ZZEF1: variants seen among roughly 807,000 people sequenced by gnomAD.
ZZEF1 encodes zinc finger ZZ-type and EF-hand domain-containing protein 1.
Under a neutral mutation model 342.8 loss-of-function variants are expected in ZZEF1, and 157 were observed. The observed-to-expected ratio is 0.46, with a 90% CI of 0.40 to 0.52. ZZEF1 has a LOEUF of 0.52. Among genes scored for constraint, ZZEF1 ranks in the 20% least tolerant of loss-of-function variants. The pLI is 0.00. For missense variants in ZZEF1, 3,480 were observed against 3,725.6 expected (o/e 0.93, Z 1.72); for synonymous variants, 1,505 against 1,429.1 (o/e 1.05, Z -1.20).
At chr17:4,100,896 T>C (rs898003054) in intron 9 of ZZEF1, among the ~76,000 whole-genome samples, 5 of 151,878 alleles carry the variant, frequency 3.3e-5, no homozygotes, top group African/African-American at 1.2e-4. Context: ...GGAACAAAAA[T>C]TCCAAATCTT....
rs1160491091 is a variant in ZZEF1, at chr17:4,017,071, G to A, written c.8001+300C>T. The A allele has an allele frequency of 1.4e-5, 5 of 364,250 alleles. No individual in the cohort carries two copies. Among genetic ancestry groups the A allele is most frequent in the Non-Finnish European group, 2.6e-5 (5 of 194,870 alleles). The allele number at this position is 364,250 out of a possible 1,614,324, so 22.6% of individuals were successfully genotyped here. ...ACTGCGTGTGTGTGTGTGAAGGTGGGTGAGGGACAGGATCAAAAAGGAGCT... is the reference window on the plus strand; with the variant it reads ...ACTGCGTGTGTGTGTGTGAAGGTGGATGAGGGACAGGATCAAAAAGGAGCT... On this transcript the variant is annotated intron_variant, in intron 48 of 54. Transcript: ENST00000381638. The surrounding 1 kb of genome is among the most constrained non-coding windows in gnomAD (Gnocchi z 5.1).
intron 18 of ZZEF1, among the ~76,000 whole-genome samples, chr17:4,079,128 T>C (rs1170958735): frequency 3.3e-5 from 5 of 152,202 alleles, no homozygotes; most frequent in Non-Finnish European, 7.3e-5. Flanking sequence ...TCCACGTACA[T>C]CTTAAAATAA....
rs2056041690 is a variant in ZZEF1, at chr17:4,014,238, T to G, written c.8315-50A>C. On this transcript the variant is annotated intron_variant, in intron 50 of 54. Coordinates refer to ENST00000381638, the MANE Select transcript of ZZEF1 (RefSeq NM_015113.4). This position sits in a 1 kb window ranked among gnomAD's most constrained non-coding sequence, Gnocchi z 4.4. ...CATCAGGAACTGAAGCAACAGGGAATGGCAGCAGTGGTGTTGGGTTTCAAC... is the reference window on the plus strand; with the variant it reads ...CATCAGGAACTGAAGCAACAGGGAAGGGCAGCAGTGGTGTTGGGTTTCAAC... 6.2e-7 allele frequency: 1 copy of G among 1,611,162 alleles called. No homozygotes were observed. Among genetic ancestry groups the G allele is most frequent in the Admixed American group, 1.7e-5 (1 of 59,994 alleles).
chr17:4,090,638 G>C, intron 12 of ZZEF1, 81 bp downstream of exon 12: 1 of 1,148,292 alleles, frequency 8.7e-7, no homozygotes, highest in South Asian at 1.2e-5. Context: ...TGTAGCATTG[G>C]CACAGGGCTG....
chr17:4,128,458 G>GTTT (rs71144168), intron 1 of ZZEF1, among the ~76,000 whole-genome samples: 1 of 143,894 alleles, frequency 6.9e-6, no homozygotes. Context: ...TTCTAAAGTT[G>GTTT]TTTTTTTTTT....
intron 3 of ZZEF1, among the ~76,000 whole-genome samples, chr17:4,114,829 A>G (rs2145501785): frequency 6.6e-6 from 1 of 152,298 alleles, no homozygotes. Context: ...ATGGTAAATT[A>G]CGGTTTGAAT....
chr17:4,085,304 C>T (rs1597868709), intron 16 of ZZEF1, among the ~76,000 whole-genome samples: 1 of 152,002 alleles, frequency 6.6e-6, no homozygotes, highest in African/African-American at 2.4e-5. Context: ...GTGACAGGTA[C>T]ATTTGGGGGA....
chr17:4,088,564 G>A, intron 13 of ZZEF1, 114 bp downstream of exon 13: 1 of 1,098,734 alleles, frequency 9.1e-7, no homozygotes, highest in Middle Eastern at 3.0e-4. Flanking sequence ...GCAGTACAAT[G>A]CCCATCCTAT....
rs1031419113 is a variant in ZZEF1 at position 4,004,662 on chromosome 17, G to C, written c.*2228C>G. The C allele has an allele frequency of 6.6e-6, 1 of 152,498 alleles. No individual in the cohort carries two copies. The highest frequency in any genetic ancestry group is 1.5e-5 in the Non-Finnish European group (1 of 68,046). The allele number at this position is 152,498 out of a possible 1,614,324, so 9.4% of individuals were successfully genotyped here. On this transcript the variant is annotated 3_prime_UTR_variant, in exon 55 of 55. Coordinates refer to ENST00000381638, the MANE Select transcript of ZZEF1 (RefSeq NM_015113.4). ...CTCTCGTTAGGAACAGTGTCTGTTT[G>C]TACAACAGGTATGCTCTGGAACAGG...
At chr17:4,056,369 A>C (rs754105298) in intron 32 of ZZEF1, 24 bp from the exon 33 acceptor site, 2 of 1,560,400 alleles carry the variant, frequency 1.3e-6, no homozygotes, top group Non-Finnish European at 1.7e-6. Context: ...ATAAAGAGAG[A>C]AAAGCATGCC....
At chr17:4,041,166 A>G (rs2056794056) in intron 39 of ZZEF1, among the ~76,000 whole-genome samples, 1 of 152,202 alleles carries the variant, frequency 6.6e-6, no homozygotes, top group Non-Finnish European at 1.5e-5. Flanking sequence ...GGTCCGGCCA[A>G]TTCATCCAGG....
intron 1 of ZZEF1, among the ~76,000 whole-genome samples, chr17:4,131,249 G>A (rs891458528): frequency 6.6e-6 from 1 of 152,028 alleles, no homozygotes; most frequent in Non-Finnish European, 1.5e-5. Context: ...CCGCACAGCC[G>A]ACCTAGAGAA....
At chr17:4,104,602 T>A in intron 8 of ZZEF1, 31 bp downstream of exon 8, 2 of 1,609,204 alleles carry the variant, frequency 1.2e-6, no homozygotes, top group Non-Finnish European at 1.7e-6. Flanking sequence ...CTGTTGACAT[T>A]TCTATCACCC....
chr17:4,049,396 C>G (rs2056995900), intron 37 of ZZEF1, among the ~76,000 whole-genome samples: 1 of 152,108 alleles, frequency 6.6e-6, no homozygotes, highest in Non-Finnish European at 1.5e-5. Context: ...CCTGCGGCCC[C>G]AGGTACTCAG....
chr17:4,131,148 C>T (rs2058656642), intron 1 of ZZEF1, among the ~76,000 whole-genome samples: 1 of 152,070 alleles, frequency 6.6e-6, no homozygotes, highest in Non-Finnish European at 1.5e-5. Flanking sequence ...ATGCAGCCAC[C>T]AGAACGAAGA....
intron 2 of ZZEF1, among the ~76,000 whole-genome samples, chr17:4,123,298 T>TAC (rs1328733649): frequency 9.9e-6 from 1 of 100,610 alleles, no homozygotes; most frequent in Non-Finnish European, 2.2e-5. Context: ...TATATATATA[T>TAC]ATATATATAT....
chr17:4,046,937 T>C (rs1181041384), intron 37 of ZZEF1, among the ~76,000 whole-genome samples: 4 of 151,740 alleles, frequency 2.6e-5, no homozygotes, highest in Non-Finnish European at 4.4e-5. Context: ...CACGTGAGAG[T>C]TGAAAAACAG....
chr17:4,010,240 G>A (rs2055911144), intron 52 of ZZEF1, among the ~76,000 whole-genome samples: 1 of 151,978 alleles, frequency 6.6e-6, no homozygotes, highest in South Asian at 2.1e-4. Context: ...ACAGCACCCA[G>A]CTACTCGAGA....
chr17:4,130,840 C>T (rs1414432014), intron 1 of ZZEF1, among the ~76,000 whole-genome samples: 1 of 152,130 alleles, frequency 6.6e-6, no homozygotes, highest in Non-Finnish European at 1.5e-5. Context: ...AAAAGTGCAT[C>T]ACAGTGAAAT....
Sources: gnomAD v4.1 joint callset for allele counts (sites outside exome capture counted in the v4.1 genomes callset) on GRCh38, gnomAD v4.1.1 for gene constraint, Gnocchi (gnomAD v3.1) non-coding constraint, MANE v1.5 for transcripts, NCBI Gene and HGNC (gene_info 2026-07-23, HGNC 2026-07-21) for gene names.